The following CFL2 variants were observed in gnomAD, a reference collection of about 807,000 sequenced individuals.
The protein encoded by CFL2 is cofilin-2.
A neutral mutation model predicts 19.6 loss-of-function variants in CFL2; 10 were observed. The ratio of observed to expected loss-of-function variants is 0.51; its 90% CI spans 0.31 to 0.86. The LOEUF is 0.86. Ranked by LOEUF, CFL2 falls within the 40% of genes least tolerant of loss-of-function variation. The pLI is 0.04. For missense variants in CFL2, 125 were observed against 192.1 expected, an observed-to-expected ratio of 0.65 and a Z score of 2.06; for synonymous variants, 63 against 66.7, an observed-to-expected ratio of 0.95 and a Z score of 0.27.
At chr14:34,714,384 G>A (rs1400846557) in intron 1 of CFL2, 154 bp downstream of exon 1, 7 of 1,277,654 alleles carry the variant, frequency 5.5e-6, no homozygotes, top group South Asian at 1.7e-5. Context: ...ACGGCCGGAG[G>A]GCAGGCCGGT....
rs983181805 is a variant in CFL2, at chr14:34,712,704, A to G, written c.*161T>C. 1 of 701,974 alleles carries G rather than the reference A, an allele frequency of 1.4e-6. No homozygotes were observed. The highest frequency in any genetic ancestry group is 1.8e-5 in the African/African-American group (1 of 57,084). The allele number at this position is 701,974 out of a possible 1,614,324, so 43.5% of individuals were successfully genotyped here. A position where few individuals can be genotyped will look rare whatever the true frequency, so the allele number is the denominator to read the frequency against. ...TTCAACAGTCTAATGGCAATCACTG[A>G]TAGGCTGCTTAAATAAATGATATTT... On this transcript the variant is annotated 3_prime_UTR_variant, in exon 4 of 4. Transcript: ENST00000298159.
In CFL2 at chr14:34,710,720, C is replaced by G. The variant is rs1299660677; in HGVS notation, c.*2145G>C. 2.2e-6 allele frequency: 1 copy of G among 451,830 alleles called. No homozygotes were observed. Among genetic ancestry groups the G allele is most frequent in the South Asian group, 1.6e-5 (1 of 63,260 alleles). The allele number at this position is 451,830 out of a possible 1,614,324, so 28.0% of individuals were successfully genotyped here. A position where few individuals can be genotyped will look rare whatever the true frequency, so the allele number is the denominator to read the frequency against. The stretch of plus-strand genomic sequence containing the variant: ...TTAATTATATTAGTATCAGTTTTGT[C>G]AATCTAGCAAATCAAAGTATCACAG... On this transcript the variant is annotated 3_prime_UTR_variant, in exon 4 of 4. Coordinates refer to ENST00000298159, the MANE Select transcript of CFL2 (RefSeq NM_138638.5).
chr14:34,710,813 A>C lies in CFL2; in HGVS notation c.*2052T>G. On this transcript the variant is annotated 3_prime_UTR_variant, in exon 4 of 4. Transcript: ENST00000298159. Reference sequence around the variant, plus strand: ...AGAAAGTTAAGGAATCAGCTACAAAAACAAAAGATACTACATAACTGATTT... The same window carrying C: ...AGAAAGTTAAGGAATCAGCTACAAACACAAAAGATACTACATAACTGATTT... 2.2e-6 allele frequency: 1 copy of C among 453,032 alleles called. No homozygotes were observed. The highest frequency in any genetic ancestry group is 1.6e-5 in the South Asian group (1 of 64,094). 28.1% of individuals were successfully genotyped at this position (453,032 alleles called of 1,614,324 possible). A position where few individuals can be genotyped will look rare whatever the true frequency, so the allele number is the denominator to read the frequency against.
At position 34,709,367 on chromosome 14, in the gene CFL2, T is replaced by C. The variant is rs759487534; in HGVS notation, c.*3498A>G. 6.6e-6 allele frequency: 1 copy of C among 151,998 alleles called. No individual in the cohort carries two copies. Among genetic ancestry groups the C allele is most frequent in the Non-Finnish European group, 1.5e-5 (1 of 67,998 alleles). The allele number at this position is 151,998 out of a possible 1,614,324, so 9.4% of individuals were successfully genotyped here. The stretch of plus-strand genomic sequence containing the variant: ...TAAGTGGAGGGATGATTCCTCTACT[T>C]CTACATGGAAATAAAGCAATTAGTT... On this transcript the variant is annotated 3_prime_UTR_variant, in exon 4 of 4. Coordinates refer to ENST00000298159, the MANE Select transcript of CFL2 (RefSeq NM_138638.5).
intron 3 of CFL2, 24 bp from the exon 4 acceptor site, chr14:34,713,001 ATTACT>A: frequency 6.4e-7 from 1 of 1,553,174 alleles, no homozygotes; most frequent in Non-Finnish European, 8.8e-7. Flanking sequence ...ACATTATCCT[ATTACT>A]TTATTATAAT....
At position 34,710,370 on chromosome 14, in the gene CFL2, CCT is replaced by C. The variant is rs1373767127; in HGVS notation, c.*2493_*2494del. 4.1e-6 allele frequency: 1 copy of C among 242,042 alleles called. No individual in the cohort carries two copies. Among genetic ancestry groups the C allele is most frequent in the Non-Finnish European group, 8.3e-6 (1 of 120,012 alleles). 15.0% of individuals were successfully genotyped at this position (242,042 alleles called of 1,614,324 possible). ...GAAAAACAGAATAAAGATAATGATG[CCT>C]CTTTGATCTGAAATACCAGTTTTTA... On this transcript the variant is annotated 3_prime_UTR_variant, in exon 4 of 4. Transcript: ENST00000298159.
chr14:34,711,462 A>C lies in CFL2; in HGVS notation c.*1403T>G, dbSNP rs1309877760. 5.5e-6 allele frequency: 2 copies of C among 364,406 alleles called. No individual in the cohort carries two copies. The highest frequency in any genetic ancestry group is 4.3e-5 in the African/African-American group (1 of 23,204). The allele number at this position is 364,406 out of a possible 1,614,324, so 22.6% of individuals were successfully genotyped here. A position where few individuals can be genotyped will look rare whatever the true frequency, so the allele number is the denominator to read the frequency against. On this transcript the variant is annotated 3_prime_UTR_variant, in exon 4 of 4. Coordinates refer to ENST00000298159, the MANE Select transcript of CFL2 (RefSeq NM_138638.5). ...TAGCCAAATCCCACTACTAATGTTT[A>C]AGACTGCTATTATCAATTCCTATTC...
At chr14:34,713,230 CTTT>C (rs748646442) in intron 2 of CFL2, 21 bp downstream of exon 2, 96 of 1,601,548 alleles carry the variant, frequency 6.0e-5, no homozygotes, top group Non-Finnish European at 7.8e-5. Context: ...TTTAAAAGTA[CTTT>C]TTTCTTTTGT....
At position 34,709,116 on chromosome 14, in the gene CFL2, A is replaced by T. The variant is rs773207230; in HGVS notation, c.*3749T>A. ...ATAGAGGTTCAATGATCTGTAATAC[A>T]TCTTTTAACAAAAACATTTAATATT... On this transcript the variant is annotated 3_prime_UTR_variant, in exon 4 of 4. Transcript: ENST00000298159. 2.0e-5 allele frequency: 3 copies of T among 152,066 alleles called. No individual in the cohort carries two copies. Among genetic ancestry groups the T allele is most frequent in the Non-Finnish European group, 4.4e-5 (3 of 68,020 alleles). The allele number at this position is 152,066 out of a possible 1,614,324, so 9.4% of individuals were successfully genotyped here.
chr14:34,714,433 A>G lies in CFL2; in HGVS notation c.3+105T>C, dbSNP rs551109026. The stretch of plus-strand genomic sequence containing the variant: ...GCGGAGCCGCAGAGCAGAAGCGCCC[A>G]CCTTGGAGGCCAAAATCAGGTTAAA... On this transcript the variant is annotated intron_variant, in intron 1 of 3. Transcript: ENST00000298159. 6.2e-6 allele frequency: 9 copies of G among 1,460,322 alleles called. No individual in the cohort carries two copies. In the South Asian group the frequency reaches 1.1e-4, roughly 17 times the overall value. The allele number at this position is 1,460,322 out of a possible 1,614,324, so 90.5% of individuals were successfully genotyped here.
At position 34,713,492 on chromosome 14, in the gene CFL2, T is replaced by C. The variant is rs1004680147; in HGVS notation, c.73A>G (p.Thr25Ala). The change falls in exon 2 of 4, where the codon ACA becomes GCA. Residue 25 changes from threonine (T) to alanine (A), a missense_variant. Thr to Ala is a moderately conservative substitution (Grantham distance 58). Transcript: ENST00000298159. ...TTTCTCTTTTTGATCTCCTCTTGTG[T>C]AGAAGATTTCCTTACTTTCATATCA... ...FNDMKVRKSSTQEEIKKRKKA... is the reference protein window; with the variant it reads ...FNDMKVRKSSAQEEIKKRKKA... 9 of 1,613,832 alleles carry C rather than the reference T, an allele frequency of 5.6e-6. No individual in the cohort carries two copies. The highest frequency in any genetic ancestry group is 7.6e-6 in the Non-Finnish European group (9 of 1,179,864).
chr14:34,712,832 T>G lies in CFL2; in HGVS notation c.*33A>C. 1 of 1,156,652 alleles carries G rather than the reference T, an allele frequency of 8.6e-7. No individual in the cohort carries two copies. The highest frequency in any genetic ancestry group is 1.3e-6 in the Non-Finnish European group (1 of 761,802). The allele number at this position is 1,156,652 out of a possible 1,614,324, so 71.6% of individuals were successfully genotyped here. A position where few individuals can be genotyped will look rare whatever the true frequency, so the allele number is the denominator to read the frequency against. The stretch of plus-strand genomic sequence containing the variant: ...TGGACTGAGCTGGAGAAATGGAAGC[T>G]CCTTAAGATCCAGATGGCACTTGAC... On this transcript the variant is annotated 3_prime_UTR_variant, in exon 4 of 4. Transcript: ENST00000298159.
In CFL2 at chr14:34,710,463, A is replaced by AT. The variant is rs1380202494; in HGVS notation, c.*2401dup. 2 of 427,824 alleles carry AT rather than the reference A, an allele frequency of 4.7e-6. No individual in the cohort carries two copies. Among genetic ancestry groups the AT allele is most frequent in the East Asian group, 7.1e-5 (1 of 14,002 alleles). The allele number at this position is 427,824 out of a possible 1,614,324, so 26.5% of individuals were successfully genotyped here. Reference sequence around the variant, plus strand: ...AGCTTTACATATTTTCATATATTTTATTTTTTAAACTCTCATAACTTTGCA... The same window carrying AT: ...AGCTTTACATATTTTCATATATTTTATTTTTTTAAACTCTCATAACTTTGCA... On this transcript the variant is annotated 3_prime_UTR_variant, in exon 4 of 4. Transcript: ENST00000298159.
Position 34,712,261 on chromosome 14 carries a change from A to G in CFL2, c.*604T>C, listed in dbSNP as rs967671694. 15 of 454,470 alleles carry G rather than the reference A, an allele frequency of 3.3e-5. No homozygotes were observed. The highest frequency in any genetic ancestry group is 5.7e-5 in the Non-Finnish European group (13 of 226,800). The allele number at this position is 454,470 out of a possible 1,614,324, so 28.2% of individuals were successfully genotyped here. On this transcript the variant is annotated 3_prime_UTR_variant, in exon 4 of 4. Coordinates refer to ENST00000298159, the MANE Select transcript of CFL2 (RefSeq NM_138638.5). ...TTTCTTTTAAGAAGATATGCAGGTA[A>G]CAGGAATGAACACTGAGGTACTAGG...
chr14:34,711,417 A>G lies in CFL2; in HGVS notation c.*1448T>C. The G allele has an allele frequency of 4.4e-6, 2 of 454,560 alleles. No individual in the cohort carries two copies. The highest frequency in any genetic ancestry group is 1.6e-5 in the South Asian group (1 of 64,474). 28.2% of individuals were successfully genotyped at this position (454,560 alleles called of 1,614,324 possible). ...ACACTGAGCAGATCAAATTCTCTAT[A>G]AGGAGCACAGTCTGGACCATAGCCA... On this transcript the variant is annotated 3_prime_UTR_variant, in exon 4 of 4. Coordinates refer to ENST00000298159, the MANE Select transcript of CFL2 (RefSeq NM_138638.5).
Position 34,710,659 on chromosome 14 carries a change from TGGC to T in CFL2, c.*2203_*2205del. The T allele has an allele frequency of 2.3e-6, 1 of 442,716 alleles. No homozygotes were observed. The highest frequency in any genetic ancestry group is 4.5e-6 in the Non-Finnish European group (1 of 223,436). The allele number at this position is 442,716 out of a possible 1,614,324, so 27.4% of individuals were successfully genotyped here. Reference sequence around the variant, plus strand: ...CTATTATTAATTTTATCTCTTTTTTTGGCTCTACGCACAAAGATGTATTTCAAA... The same window carrying T: ...CTATTATTAATTTTATCTCTTTTTTTTCTACGCACAAAGATGTATTTCAAA... On this transcript the variant is annotated 3_prime_UTR_variant, in exon 4 of 4. Coordinates refer to ENST00000298159, the MANE Select transcript of CFL2 (RefSeq NM_138638.5).
chr14:34,714,532 T>C lies in CFL2; in HGVS notation c.3+6A>G. The stretch of plus-strand genomic sequence containing the variant: ...CGCGGCCTCCCGGCCAGCGCGCTCG[T>C]CTTACCATAGTGCCCTCGGCTGTGG... On this transcript the variant is annotated splice_donor_region_variant and intron_variant, in intron 1 of 3. Transcript: ENST00000298159. The C allele has an allele frequency of 6.3e-7, 1 of 1,587,318 alleles. No homozygotes were observed. The highest frequency in any genetic ancestry group is 2.3e-5 in the East Asian group (1 of 42,846).
chr14:34,714,378 C>G, intron 1 of CFL2, 160 bp downstream of exon 1: 4 of 1,237,374 alleles, frequency 3.2e-6, no homozygotes, highest in Non-Finnish European at 4.2e-6. Flanking sequence ...GGCCTGACGG[C>G]CGGAGGGCAG....
chr14:34,714,480 C>G (rs1885427591), intron 1 of CFL2, 58 bp downstream of exon 1: 11 of 1,534,878 alleles, frequency 7.2e-6, no homozygotes, highest in Non-Finnish European at 8.8e-6. Context: ...ACTCCCGGGG[C>G]CGTGCGGGGG....
Sources: gnomAD v4.1 joint callset for allele counts on GRCh38, gnomAD v4.1.1 for gene constraint, MANE v1.5 for transcripts, NCBI Gene and HGNC (gene_info 2026-07-23, HGNC 2026-07-21) for gene names.